Variants in VGLL4 observed in about 807,000 individuals in gnomAD.
VGLL4 encodes transcription cofactor vestigial-like protein 4.
A neutral mutation model predicts 21.0 loss-of-function variants in VGLL4; 7 were observed. The ratio of observed to expected loss-of-function variants is 0.33; its 90% CI spans 0.19 to 0.63. The LOEUF is 0.63. VGLL4 is among the 20% of genes least tolerant of loss of function. The probability of loss-of-function intolerance (pLI) is 0.78; values close to 1 mark genes in which losing one functional copy is unlikely to be tolerated. For missense variants in VGLL4, 394 were observed against 425.7 expected (o/e 0.93, Z 0.66); for synonymous variants, 222 against 173.2 (o/e 1.28, Z -2.21).
chr3:11,699,765 A>G (rs2076653382), intron 2 of VGLL4: 1 of 152,244 alleles, frequency 6.6e-6, no homozygotes, highest in African/African-American at 2.4e-5. Flanking sequence ...ATGAGCTGAG[A>G]TCATGCTATT....
chr3:11,631,809 C>G (rs2125316776), intron 1 of VGLL4, among the ~76,000 whole-genome samples: 1 of 152,106 alleles, frequency 6.6e-6, no homozygotes, highest in South Asian at 2.1e-4. Context: ...AGAAAGAAAA[C>G]AGAACAAGTG....
In VGLL4 at chr3:11,558,541, G is replaced by C; in HGVS notation, c.*15C>G. 6.3e-7 allele frequency: 1 copy of C among 1,595,242 alleles called. No homozygotes were observed. The highest frequency in any genetic ancestry group is 8.5e-7 in the Non-Finnish European group (1 of 1,176,698). On this transcript the variant is annotated 3_prime_UTR_variant, in exon 5 of 5. Transcript: ENST00000430365. ...AACCATGCAGATCCACGTGTTGTTG[G>C]AGGAGGCGCTCCCTTCAGGAGACCA...
chr3:11,605,664 G>A (rs2074923674), intron 1 of VGLL4, among the ~76,000 whole-genome samples: 1 of 152,044 alleles, frequency 6.6e-6, no homozygotes, highest in Non-Finnish European at 1.5e-5. Context: ...TATCACTCTG[G>A]TGCTTCCCTC....
chr3:11,595,442 T>C (rs2074613154), intron 2 of VGLL4, among the ~76,000 whole-genome samples: 2 of 152,138 alleles, frequency 1.3e-5, no homozygotes, highest in African/African-American at 4.8e-5. Context: ...TCCTCAGGGA[T>C]CTAGAACTAG....
chr3:11,679,794 T>C (rs2076345057), intron 2 of VGLL4, among the ~76,000 whole-genome samples: 1 of 152,192 alleles, frequency 6.6e-6, no homozygotes, highest in Non-Finnish European at 1.5e-5. Context: ...AGTCAAAAAG[T>C]TTTTTTAAAA....
chr3:11,636,402 G>T (rs1575479737), intron 1 of VGLL4, among the ~76,000 whole-genome samples: 1 of 152,206 alleles, frequency 6.6e-6, no homozygotes, highest in Admixed American at 6.5e-5. Flanking sequence ...CAATACATGA[G>T]TAATTCTTTT....
intron 2 of VGLL4, among the ~76,000 whole-genome samples, chr3:11,572,730 C>G (rs1191564752): frequency 6.6e-6 from 1 of 152,160 alleles, no homozygotes; most frequent in African/African-American, 2.4e-5. Context: ...TCTTGGAGCT[C>G]TACCCATGTT....
intron 1 of VGLL4, among the ~76,000 whole-genome samples, chr3:11,718,679 T>G (rs894240042): frequency 6.6e-6 from 1 of 152,126 alleles, no homozygotes; most frequent in Middle Eastern, 3.4e-3. Flanking sequence ...GGCTTGGGTA[T>G]AGAACAAGAT....
chr3:11,693,736 G>A (rs183364366), intron 2 of VGLL4, among the ~76,000 whole-genome samples: 1 of 152,322 alleles, frequency 6.6e-6, no homozygotes, highest in Admixed American at 6.5e-5. Flanking sequence ...GGGGGATGAA[G>A]GACTGTCCCC....
rs373391931 is a variant in VGLL4 at position 11,643,369 on chromosome 3, C to T, written c.82+68G>A. ...GGACAGCGGGCGCTTAGAAGGCAGG[C>T]ACCCAGCACACTGAGGAGGAGTGGC... On this transcript the variant is annotated intron_variant, in intron 1 of 4. Transcript: ENST00000430365. The T allele has an allele frequency of 3.5e-4, 572 of 1,611,732 alleles. 6 individuals are homozygous for T. The South Asian group carries it at 5.9e-3, about 16-fold the overall frequency.
intron 3 of VGLL4, 35 bp from the exon 4 acceptor site, chr3:11,559,490 A>G (rs752823212): frequency 7.2e-6 from 11 of 1,522,140 alleles, no homozygotes; most frequent in Non-Finnish European, 9.7e-6. Context: ...TGTGGAGACC[A>G]GCTTCAGTAC....
intron 2 of VGLL4, among the ~76,000 whole-genome samples, chr3:11,566,164 ACACACACAATGTTACGCATG>A (rs2073491881): frequency 6.6e-6 from 1 of 152,214 alleles, no homozygotes. Context: ...AATGAATGTT[ACACACACAATGTTACGCATG>A]CACACAGAAT....
At chr3:11,566,316 G>A (rs2073511929) in intron 2 of VGLL4, among the ~76,000 whole-genome samples, 1 of 152,142 alleles carries the variant, frequency 6.6e-6, no homozygotes, top group Admixed American at 6.5e-5. Context: ...GCCATCCCAT[G>A]CACCCTTTAC....
intron 1 of VGLL4, among the ~76,000 whole-genome samples, chr3:11,617,160 G>A (rs995752679): frequency 2.6e-5 from 4 of 152,170 alleles, no homozygotes; most frequent in Non-Finnish European, 5.9e-5. Flanking sequence ...ACAGGAGTGG[G>A]ATTTGAAAAA....
intron 2 of VGLL4, among the ~76,000 whole-genome samples, chr3:11,566,405 C>T (rs909555346): frequency 1.3e-5 from 2 of 152,182 alleles, no homozygotes; most frequent in African/African-American, 4.8e-5. Context: ...AGACAACTAC[C>T]AACCTTATTC....
intron 2 of VGLL4, chr3:11,582,198 A>C: frequency 6.8e-7 from 1 of 1,475,084 alleles, no homozygotes; most frequent in Non-Finnish European, 9.3e-7. Context: ...TCGCAGTTTA[A>C]ATTAATTACA....
At position 11,569,449 on chromosome 3, in the gene VGLL4, A is replaced by G. The variant is rs368099402; in HGVS notation, c.273-4430T>C. Among the ~76,000 whole-genome samples the G allele has an allele frequency of 7.2e-5, 11 of 152,224 alleles. No homozygotes were observed. In the South Asian group the frequency reaches 2.1e-3, roughly 29 times the overall value. Reference sequence around the variant, plus strand: ...GGGCCCTGGCCTCCCAAAAACCAACATCCTGAGGCGGCAAAGCAGCCCGTC... The same window carrying G: ...GGGCCCTGGCCTCCCAAAAACCAACGTCCTGAGGCGGCAAAGCAGCCCGTC... On this transcript the variant is annotated intron_variant, in intron 2 of 4. Coordinates refer to ENST00000430365, the MANE Select transcript of VGLL4 (RefSeq NM_001128219.3).
Position 11,568,874 on chromosome 3 carries a change from G to A in VGLL4, c.273-3855C>T. 3 of 1,352,692 alleles carry A rather than the reference G, an allele frequency of 2.2e-6. No individual in the cohort carries two copies. Among genetic ancestry groups the A allele is most frequent in the Non-Finnish European group, 2.9e-6 (3 of 1,051,054 alleles). The allele number at this position is 1,352,692 out of a possible 1,614,324, so 83.8% of individuals were successfully genotyped here. ...CAGGCCTATCAGAGCCGCTGAGGCT[G>A]CACGGCACCCGGCCCCGCCCCGGGC... On this transcript the variant is annotated intron_variant, in intron 2 of 4. Coordinates refer to ENST00000430365, the MANE Select transcript of VGLL4 (RefSeq NM_001128219.3). The surrounding 1 kb of genome is among the most constrained non-coding windows in gnomAD (Gnocchi z 5.9).
intron 1 of VGLL4, among the ~76,000 whole-genome samples, chr3:11,611,141 AG>A (rs1296788109): frequency 5.5e-5 from 1 of 18,074 alleles, no homozygotes; most frequent in Non-Finnish European, 1.1e-4. Flanking sequence ...AGAGAGGGGG[AG>A]GGGGCGGGAG....
Sources: allele counts gnomAD v4.1 joint callset (sites outside exome capture counted in the v4.1 genomes callset), GRCh38; gene constraint gnomAD v4.1.1; non-coding constraint Gnocchi (gnomAD v3.1); transcripts MANE v1.5; gene names NCBI Gene and HGNC (gene_info 2026-07-23, HGNC 2026-07-21).